The following TIA1 variants were observed in gnomAD, a reference collection of about 807,000 sequenced individuals.
TIA1 encodes cytotoxic granule associated RNA binding protein TIA1.
In TIA1, 23 loss-of-function variants were observed where a neutral mutation model predicts 65.9. That is an observed-to-expected ratio of 0.35 (90% confidence interval 0.25 to 0.49). TIA1 has a LOEUF of 0.49. Ranked by LOEUF, TIA1 falls within the 20% of genes least tolerant of loss-of-function variation. The pLI is 0.98. For synonymous variants in TIA1, 147 were observed against 149.4 expected (o/e 0.98, Z 0.12); for missense variants, 371 against 477.9 (o/e 0.78, Z 2.09).
intron 2 of TIA1, among the ~76,000 whole-genome samples, chr2:70,234,633 C>T (rs1381068050): frequency 1.3e-5 from 2 of 152,164 alleles, no homozygotes; most frequent in East Asian, 1.9e-4. Flanking sequence ...GCAATCTCGG[C>T]TCACTGCAAC....
intron 2 of TIA1, among the ~76,000 whole-genome samples, chr2:70,234,815 C>T (rs567540619): frequency 3.0e-4 from 46 of 152,194 alleles, no homozygotes; most frequent in African/African-American, 1.1e-3. Flanking sequence ...CTGCCTCGGC[C>T]TCCCAAAGTG....
At chr2:70,229,534 C>T (rs1329353475) in intron 3 of TIA1, among the ~76,000 whole-genome samples, 1 of 152,148 alleles carries the variant, frequency 6.6e-6, no homozygotes, top group Non-Finnish European at 1.5e-5. Flanking sequence ...TTCAATTAAC[C>T]TTTCCTACCT....
At chr2:70,228,314 A>G (rs1684675147) in intron 5 of TIA1, 3 of 1,280,014 alleles carry the variant, frequency 2.3e-6, no homozygotes, top group Non-Finnish European at 2.0e-6. Context: ...TGGTTTAACC[A>G]TATTTTGTGA....
At position 70,216,202 on chromosome 2, in the gene TIA1, C is replaced by A; in HGVS notation, c.764+6G>T. ...GAAAAATGTTTTTTTAAAAAACCAT[C>A]CCTACCGAACAAATGAATATCCTTT... On this transcript the variant is annotated splice_donor_region_variant and intron_variant, in intron 10 of 12. Coordinates refer to ENST00000433529, the MANE Select transcript of TIA1 (RefSeq NM_022173.4). The A allele has an allele frequency of 6.5e-7, 1 of 1,546,410 alleles. No homozygotes were observed. Among genetic ancestry groups the A allele is most frequent in the African/African-American group, 1.4e-5 (1 of 70,334 alleles).
intron 2 of TIA1, among the ~76,000 whole-genome samples, chr2:70,235,316 G>A (rs1439048686): frequency 6.6e-6 from 1 of 152,160 alleles, no homozygotes; most frequent in East Asian, 1.9e-4. Flanking sequence ...TTGGGAGGCT[G>A]AGCCAGAAGA....
intron 1 of TIA1, among the ~76,000 whole-genome samples, chr2:70,240,202 G>A (rs1691045703): frequency 6.6e-6 from 1 of 151,936 alleles, no homozygotes; most frequent in Non-Finnish European, 1.5e-5. Flanking sequence ...TTTATAGATG[G>A]GCAACGACCA....
chr2:70,227,075 CAG>C (rs1419584439), intron 6 of TIA1, among the ~76,000 whole-genome samples: 2 of 152,096 alleles, frequency 1.3e-5, no homozygotes, highest in East Asian at 3.8e-4. Context: ...AATTACTCTA[CAG>C]AAAGTACTGT....
intron 4 of TIA1, 50 bp from the exon 5 acceptor site, chr2:70,229,141 TC>T: frequency 1.2e-6 from 2 of 1,609,102 alleles, no homozygotes; most frequent in Non-Finnish European, 1.7e-6. Flanking sequence ...ACAAACACAT[TC>T]AATCATATCT....
At chr2:70,231,274 C>T (rs1483053850) in intron 2 of TIA1, among the ~76,000 whole-genome samples, 1 of 152,112 alleles carries the variant, frequency 6.6e-6, no homozygotes, top group Non-Finnish European at 1.5e-5. Flanking sequence ...TGCACTCCAG[C>T]CTGGGCGACA....
chr2:70,236,636 AT>A (rs1270100738), intron 1 of TIA1, among the ~76,000 whole-genome samples: 2 of 150,374 alleles, frequency 1.3e-5, no homozygotes, highest in African/African-American at 2.4e-5. Flanking sequence ...ACCTCAATTT[AT>A]TTTTTTTTCA....
chr2:70,232,029 C>T (rs956673399), intron 2 of TIA1, among the ~76,000 whole-genome samples: 10 of 151,276 alleles, frequency 6.6e-5, no homozygotes, highest in East Asian at 2.0e-4. Context: ...GGTGAAACCC[C>T]GTCTCTACTA....
intron 3 of TIA1, 74 bp downstream of exon 3, chr2:70,230,666 AAGTGTTTAATGTTTCT>A: frequency 1.9e-6 from 2 of 1,065,036 alleles, no homozygotes; most frequent in Admixed American, 2.8e-5. Flanking sequence ...AAAAAAAAAA[AAGTGTTTAATGTTTCT>A]AAAAAGGAAA....
At chr2:70,234,562 T>C (rs17005423) in intron 2 of TIA1, among the ~76,000 whole-genome samples, 4,366 of 152,214 alleles carry the variant, frequency 0.029, 379 homozygotes, top group Admixed American at 0.17. Flanking sequence ...TCAAAGCCAA[T>C]TGGATAAATA....
chr2:70,227,530 T>C (rs530546321), intron 6 of TIA1, among the ~76,000 whole-genome samples: 3 of 152,288 alleles, frequency 2.0e-5, no homozygotes, highest in Non-Finnish European at 4.4e-5. Flanking sequence ...AAAAGGATTT[T>C]AAGATAATTG....
chr2:70,224,827 A>C (rs867341598), intron 6 of TIA1, 198 bp from the exon 7 acceptor site: 2 of 1,369,414 alleles, frequency 1.5e-6, no homozygotes, highest in African/African-American at 2.9e-5. Flanking sequence ...TCAATAACTT[A>C]AGTATATATG....
intron 1 of TIA1, among the ~76,000 whole-genome samples, chr2:70,238,260 G>GTTTTTTTTTTTTTTT (rs763865705): frequency 1.1e-5 from 1 of 94,596 alleles, no homozygotes; most frequent in Non-Finnish European, 2.0e-5. Context: ...GTTCCCCCAA[G>GTTTTTTTTTTTTTTT]TTTTTTTTTT....
intron 7 of TIA1, among the ~76,000 whole-genome samples, chr2:70,218,113 A>G (rs916297723): frequency 2.6e-5 from 4 of 152,232 alleles, no homozygotes; most frequent in East Asian, 1.9e-4. Flanking sequence ...GGTAAGACCT[A>G]TGACAGAAAC....
In TIA1 at chr2:70,209,985, T is replaced by C. The variant is rs1431021788; in HGVS notation, c.*2734A>G. 1.2e-5 allele frequency: 4 copies of C among 345,146 alleles called. No individual in the cohort carries two copies. The Admixed American group carries it at 1.9e-4, about 17-fold the overall frequency. 21.4% of individuals were successfully genotyped at this position (345,146 alleles called of 1,614,324 possible). A position where few individuals can be genotyped will look rare whatever the true frequency, so the allele number is the denominator to read the frequency against. On this transcript the variant is annotated 3_prime_UTR_variant, in exon 13 of 13. Coordinates refer to ENST00000433529, the MANE Select transcript of TIA1 (RefSeq NM_022173.4). ...AATAAAGACTAGAATGTGAATCTCA[T>C]TTTCAACAAGTATCAGCAAGGAAAA...
intron 2 of TIA1, among the ~76,000 whole-genome samples, chr2:70,233,168 G>A (rs1334560569): frequency 6.6e-6 from 1 of 152,016 alleles, no homozygotes; most frequent in African/African-American, 2.4e-5. Flanking sequence ...ATGTGGTCTT[G>A]TTATGTTGCC....
Sources: allele counts gnomAD v4.1 joint callset (sites outside exome capture counted in the v4.1 genomes callset), GRCh38; gene constraint gnomAD v4.1.1; transcripts MANE v1.5; gene names NCBI Gene and HGNC (gene_info 2026-07-23, HGNC 2026-07-21).